Variants in PPM1F observed in about 807,000 individuals in gnomAD.
PPM1F encodes protein phosphatase, Mg2+/Mn2+ dependent 1F.
PPM1F carries 17 observed loss-of-function variants against 35.5 expected under a neutral mutation model. The observed-to-expected ratio is 0.48, with a 90% confidence interval of 0.33 to 0.72. PPM1F has a LOEUF of 0.72. PPM1F is among the 30% of genes least tolerant of loss of function. PPM1F has a pLI of 0.02. For synonymous variants in PPM1F, 241 were observed against 255.5 expected, an observed-to-expected ratio of 0.94 and a Z score of 0.54; for missense variants, 521 against 613.0, an observed-to-expected ratio of 0.85 and a Z score of 1.59.
In PPM1F at chr22:21,931,133, C is replaced by T; in HGVS notation, c.891+15G>A. 2 of 1,613,734 alleles carry T rather than the reference C, an allele frequency of 1.2e-6. No individual in the cohort carries two copies. Among genetic ancestry groups the T allele is most frequent in the Non-Finnish European group, 1.7e-6 (2 of 1,179,780 alleles). Reference sequence around the variant, plus strand: ...GCCAGGAATATCCTGGGCCTGGGCGCAGGGATCCCCTTACCTGCCGTTCTG... The same window carrying T: ...GCCAGGAATATCCTGGGCCTGGGCGTAGGGATCCCCTTACCTGCCGTTCTG... On this transcript the variant is annotated intron_variant, in intron 6 of 7. Transcript: ENST00000263212.
intron 3 of PPM1F, chr22:21,937,920 A>C: frequency 2.6e-6 from 1 of 387,438 alleles, no homozygotes. Flanking sequence ...CAGAGGTTTC[A>C]GCCACTCGCT....
At chr22:21,932,998 G>A (rs937243973) in intron 5 of PPM1F, among the ~76,000 whole-genome samples, 1 of 152,272 alleles carries the variant, frequency 6.6e-6, no homozygotes, top group East Asian at 1.9e-4. Context: ...TGCTTTCCAT[G>A]CATGGCTCTG....
chr22:21,933,623 G>T (rs1026625211), intron 4 of PPM1F, 44 bp from the exon 5 acceptor site: 1 of 1,563,158 alleles, frequency 6.4e-7, no homozygotes, highest in African/African-American at 1.3e-5. Flanking sequence ...GGGACCCAGG[G>T]TGCTCCCAGT....
intron 7 of PPM1F, among the ~76,000 whole-genome samples, chr22:21,924,426 C>A (rs1047856444): frequency 1.3e-5 from 2 of 152,162 alleles, no homozygotes; most frequent in African/African-American, 4.8e-5. Flanking sequence ...CACCACCACG[C>A]CCGGCTAATG....
In PPM1F at chr22:21,921,933, C is replaced by T. The variant is rs1368233243; in HGVS notation, c.*1159G>A. On this transcript the variant is annotated 3_prime_UTR_variant, in exon 8 of 8. Transcript: ENST00000263212. ...AGAGCCCCGCTGTCGGGCCCAGGCA[C>T]CACTACGTGGCAGTCGCAGCTCCTG... The T allele has an allele frequency of 3.9e-5, 6 of 152,258 alleles. No homozygotes were observed. The highest frequency in any genetic ancestry group is 1.2e-4 in the African/African-American group (5 of 41,458). The allele number at this position is 152,258 out of a possible 1,614,324, so 9.4% of individuals were successfully genotyped here. A position where few individuals can be genotyped will look rare whatever the true frequency, so the allele number is the denominator to read the frequency against.
chr22:21,927,128 C>T (rs929682714), intron 6 of PPM1F, among the ~76,000 whole-genome samples: 6 of 152,194 alleles, frequency 3.9e-5, no homozygotes, highest in African/African-American at 1.4e-4. Flanking sequence ...GACCTCAAGG[C>T]TCTCTCTGGG....
chr22:21,927,728 C>T (rs751971968), intron 6 of PPM1F, among the ~76,000 whole-genome samples: 1 of 152,226 alleles, frequency 6.6e-6, no homozygotes, highest in Non-Finnish European at 1.5e-5. Context: ...CATTCTGCAC[C>T]CCCTGTGCTG....
At chr22:21,948,301 A>ATCCCCC (rs2070797747) in intron 1 of PPM1F, 1 of 58,150 alleles carries the variant, frequency 1.7e-5, no homozygotes, top group African/African-American at 6.1e-5. Context: ...TGAGATCGCC[A>ATCCCCC]CCCCCCCCCC....
chr22:21,927,937 G>GTTTTTTTTTTTTTTTTTTTTTTTTTTT, intron 6 of PPM1F, among the ~76,000 whole-genome samples: 1 of 68,106 alleles, frequency 1.5e-5, no homozygotes, highest in Non-Finnish European at 2.8e-5. Flanking sequence ...TCTGTTTTTT[G>GTTTTTTTTTTTTTTTTTTTTTTTTTTT]TTTTGTTTTT....
At chr22:21,933,945 T>A in intron 4 of PPM1F, 79 bp downstream of exon 4, 1 of 1,367,424 alleles carries the variant, frequency 7.3e-7, no homozygotes, top group Non-Finnish European at 9.9e-7. Flanking sequence ...GGTGGGCAGC[T>A]CTTCTCGGTA....
rs2070631554 is a variant in PPM1F, at chr22:21,934,229, G to A, written c.356-3C>T. 9.6e-6 allele frequency: 15 copies of A among 1,561,728 alleles called. No homozygotes were observed. Among genetic ancestry groups the A allele is most frequent in the African/African-American group, 1.4e-5 (1 of 74,030 alleles). ...TGCCAGGCTTTGGGCATCCAGCACT[G>A]ATGGGCACAATGGAGGGATTGTCAG... On this transcript the variant is annotated splice_polypyrimidine_tract_variant and splice_region_variant and intron_variant, in intron 3 of 7. Coordinates refer to ENST00000263212, the MANE Select transcript of PPM1F (RefSeq NM_014634.4).
chr22:21,944,645 A>G (rs1043783253), intron 2 of PPM1F: 1 of 152,274 alleles, frequency 6.6e-6, no homozygotes, highest in Non-Finnish European at 1.5e-5. Context: ...GCTCACCTCC[A>G]TGAGCTGTCC....
chr22:21,942,948 C>G (rs2070740886), intron 2 of PPM1F: 1 of 152,298 alleles, frequency 6.6e-6, no homozygotes, highest in Non-Finnish European at 1.5e-5. Context: ...GGGGCTGTTA[C>G]AAGAGGCTTA....
intron 3 of PPM1F, chr22:21,935,485 G>T (rs2145799262): frequency 6.6e-6 from 1 of 152,278 alleles, no homozygotes; most frequent in South Asian, 2.1e-4. Context: ...ACCATTGGAG[G>T]AAACTGGGTA....
Position 21,945,866 on chromosome 22 carries a change from C to G in PPM1F, c.183G>C (p.Leu61=). The change falls in exon 2 of 8, where the codon CTG becomes CTC. Residue 61 remains leucine (L), a synonymous_variant. Transcript: ENST00000263212. The part of the protein sequence containing the change: ...QEEVEGELAE[L]AMGFLGSRKA... ...ACCTGCTGCCCAGAAAGCCCATGGC[C>G]AGCTCAGCCAGCTCGCCCTCCACCT... is the stretch of plus-strand genomic sequence containing the variant. The G allele has an allele frequency of 6.2e-7, 1 of 1,611,220 alleles. No homozygotes were observed.
In PPM1F at chr22:21,921,216, AGAG is replaced by A. The variant is rs1442931336; in HGVS notation, c.*1873_*1875del. ...TCTAGCGTGCCTCCTCGGCGAGCTGAGAGGAGGCCAAGGTGCTTGGGGCACAGC... is the reference window on the plus strand; with the variant it reads ...TCTAGCGTGCCTCCTCGGCGAGCTGAGAGGCCAAGGTGCTTGGGGCACAGC... On this transcript the variant is annotated 3_prime_UTR_variant, in exon 8 of 8. Transcript: ENST00000263212. 6.6e-6 allele frequency: 1 copy of A among 150,816 alleles called. No individual in the cohort carries two copies. The highest frequency in any genetic ancestry group is 1.5e-5 in the Non-Finnish European group (1 of 67,910). The allele number at this position is 150,816 out of a possible 1,614,324, so 9.3% of individuals were successfully genotyped here.
intron 6 of PPM1F, among the ~76,000 whole-genome samples, chr22:21,927,880 G>C (rs1007591255): frequency 1.3e-5 from 2 of 151,728 alleles, no homozygotes; most frequent in Admixed American, 6.6e-5. Flanking sequence ...CCAGGCTAAG[G>C]GGTCTTGTCC....
chr22:21,927,937 GTTTTGTT>G lies in PPM1F; in HGVS notation c.892-2282_892-2276del, dbSNP rs1337502493. Reference sequence around the variant, plus strand: ...TCACTGATTCTTGATTCTGTTTTTTGTTTTGTTTTTTTTTTTTTTTTTTTTTTTTTTT... The same window carrying G: ...TCACTGATTCTTGATTCTGTTTTTTGTTTTTTTTTTTTTTTTTTTTTTTTT... On this transcript the variant is annotated intron_variant, in intron 6 of 7. Coordinates refer to ENST00000263212, the MANE Select transcript of PPM1F (RefSeq NM_014634.4). 3.9e-3 allele frequency among the ~76,000 whole-genome samples: 267 copies of G among 68,056 alleles called. 6 individuals are homozygous for G. The highest frequency in any genetic ancestry group is 0.014 in the African/African-American group (215 of 15,432). 44.6% of individuals were successfully genotyped at this position (68,056 alleles called of 152,430 possible).
In PPM1F at chr22:21,934,029, A is replaced by G. The variant is rs2070627894; in HGVS notation, c.553T>C (p.Leu185=). 3 of 1,554,962 alleles carry G rather than the reference A, an allele frequency of 1.9e-6. No homozygotes were observed. The highest frequency in any genetic ancestry group is 2.6e-6 in the Non-Finnish European group (3 of 1,147,920). The change falls in exon 4 of 8, where the codon TTG becomes CTG. Residue 185 remains leucine, a synonymous_variant. Coordinates refer to ENST00000263212, the MANE Select transcript of PPM1F (RefSeq NM_014634.4). The part of the protein sequence containing the change: ...SLPSFNQLFG[L]SDPVNRAYFA... ...GTCTGGACGGGAGCACTCACAGACA[A>G]GCCGAAGAGCTGGTTGAAGGAAGGG...
Sources: allele counts gnomAD v4.1 joint callset (sites outside exome capture counted in the v4.1 genomes callset), GRCh38; gene constraint gnomAD v4.1.1; transcripts MANE v1.5; gene names NCBI Gene and HGNC (gene_info 2026-07-23, HGNC 2026-07-21).